The following NSD2 variants were observed in gnomAD, a reference collection of about 807,000 sequenced individuals.
The protein encoded by NSD2 is histone-lysine N-methyltransferase NSD2.
NSD2 carries 12 observed loss-of-function variants against 139.0 expected under a neutral mutation model. The observed-to-expected ratio is 0.09, with a 90% CI of 0.06 to 0.14. The LOEUF is 0.14. NSD2 is among the 10% of genes least tolerant of loss of function. NSD2 has a pLI of 1.00. For synonymous variants in NSD2, 669 were observed against 648.7 expected, an observed-to-expected ratio of 1.03 and a Z score of -0.48; for missense variants, 1,155 against 1,745.0, an observed-to-expected ratio of 0.66 and a Z score of 6.02.
chr4:1,891,181 A>G lies in NSD2; in HGVS notation c.-29-9445A>G, dbSNP rs192545197. On this transcript the variant is annotated intron_variant, in intron 1 of 21. Coordinates refer to ENST00000508803, the MANE Select transcript of NSD2 (RefSeq NM_001042424.3). ...AGTACTGAGATTACAGGTGTGAGCC[A>G]CTGTGCCCCGCCTACGTGGAATTGT... Among the ~76,000 whole-genome samples, 266 of 152,298 alleles carry G rather than the reference A, an allele frequency of 1.7e-3. 1 individual carries two copies. The highest frequency in any genetic ancestry group is 6.1e-3 in the African/African-American group (255 of 41,568).
intron 9 of NSD2, among the ~76,000 whole-genome samples, chr4:1,950,174 T>C (rs941158311): frequency 6.6e-6 from 1 of 152,232 alleles, no homozygotes; most frequent in Non-Finnish European, 1.5e-5. Context: ...TTTTATTCAT[T>C]TAAATATTTG....
At chr4:1,975,866 T>C (rs1727020806) in intron 20 of NSD2, among the ~76,000 whole-genome samples, 1 of 152,174 alleles carries the variant, frequency 6.6e-6, no homozygotes, top group Admixed American at 6.5e-5. Context: ...TGTGACCCCA[T>C]CTTAACAGAT....
chr4:1,939,839 G>A (rs1035589690), intron 9 of NSD2, 61 bp downstream of exon 9: 133 of 1,611,512 alleles, frequency 8.3e-5, no homozygotes, highest in Middle Eastern at 3.3e-4. Context: ...AGCTGCCCAC[G>A]CTGCAGTGTG....
intron 9 of NSD2, chr4:1,946,605 T>C (rs562251797): frequency 9.7e-7 from 1 of 1,027,688 alleles, no homozygotes; most frequent in African/African-American, 1.7e-5. Context: ...TTCTGATTCA[T>C]ATTTTAGGAC....
rs1330243688 is a variant in NSD2, at chr4:1,935,182, A to T, written c.1594A>T (p.Ile532Leu). ...GAAAAAAAGAAACCACACAAAGAGG[A>T]TACAGGACCCTACAGAAGATGCTGA... ...NGKKRNHTKR[I>L]QDPTEDAEAE... is the part of the protein sequence containing the mutation. The change falls in exon 7 of 22, where the codon ATA becomes TTA. Residue 532 changes from isoleucine to leucine, a missense_variant. By Grantham distance (5) the Ile-to-Leu change is conservative (BLOSUM62 2). Around this residue, in one of 8 missense-constraint regions of NSD2, gnomAD observed 420 missense variants for 469.0 expected, o/e 0.90. Transcript: ENST00000508803. 1 of 1,613,640 alleles carries T rather than the reference A, an allele frequency of 6.2e-7. No individual in the cohort carries two copies. Among genetic ancestry groups the T allele is most frequent in the Non-Finnish European group, 8.5e-7 (1 of 1,179,778 alleles).
chr4:1,949,766 GA>G (rs74623987), intron 9 of NSD2, among the ~76,000 whole-genome samples: 1,734 of 105,756 alleles, frequency 0.016, 20 homozygotes, highest in African/African-American at 0.045. Flanking sequence ...TCTGTCTCGA[GA>G]AAAAAAAAAA....
At chr4:1,940,501 G>A in intron 9 of NSD2, 1 of 1,064,720 alleles carries the variant, frequency 9.4e-7, no homozygotes, top group Non-Finnish European at 1.1e-6. Context: ...GAACGTAGGT[G>A]TGACACTTTT....
chr4:1,871,754 G>GGGACCGCGA (rs1224948868), intron 1 of NSD2, among the ~76,000 whole-genome samples: 1 of 149,444 alleles, frequency 6.7e-6, no homozygotes, highest in African/African-American at 2.4e-5. Context: ...GAGGGTCGTG[G>GGGACCGCGA]GGACCGCGAG....
At chr4:1,911,853 G>T (rs567162945) in intron 3 of NSD2, among the ~76,000 whole-genome samples, 1 of 152,250 alleles carries the variant, frequency 6.6e-6, no homozygotes, top group South Asian at 2.1e-4. Flanking sequence ...ACAAACTTGG[G>T]ATCAGATTAC....
chr4:1,951,143 A>G lies in NSD2; in HGVS notation c.1953A>G (p.Val651=), dbSNP rs1355524162. 1.2e-6 allele frequency: 2 copies of G among 1,614,256 alleles called. No individual in the cohort carries two copies. Among genetic ancestry groups the G allele is most frequent in the Non-Finnish European group, 1.7e-6 (2 of 1,180,040 alleles). Residue 651 remains valine, a synonymous_variant, in exon 10 of 22, where the codon GTA becomes GTG. Coordinates refer to ENST00000508803, the MANE Select transcript of NSD2 (RefSeq NM_001042424.3). The part of the protein sequence containing the change: ...YESADETQTE[V]SVSSKKSERG... The stretch of plus-strand genomic sequence containing the variant: ...GTGCAGACGAAACACAAACTGAAGT[A>G]TCTGTCTCATCCAAAAAGTCTGAGC...
At chr4:1,977,571 T>C (rs1424719587) in intron 21 of NSD2, among the ~76,000 whole-genome samples, 1 of 150,610 alleles carries the variant, frequency 6.6e-6, no homozygotes, top group Non-Finnish European at 1.5e-5. Flanking sequence ...AGGTCAGGAG[T>C]TCGAGACCAG....
In NSD2 at chr4:1,961,020, G is replaced by A. The variant is rs769335181; in HGVS notation, c.3256-15G>A. ...AGCACGCTTTTTGTCATGGCCACAT[G>A]CTTGTGATTTCCAGGGAGAATTTGT... On this transcript the variant is annotated splice_polypyrimidine_tract_variant and intron_variant, in intron 17 of 21. Coordinates refer to ENST00000508803, the MANE Select transcript of NSD2 (RefSeq NM_001042424.3). 8 of 1,607,560 alleles carry A rather than the reference G, an allele frequency of 5.0e-6. No homozygotes were observed. Among genetic ancestry groups the A allele is most frequent in the Non-Finnish European group, 6.0e-6 (7 of 1,174,552 alleles).
Position 1,946,433 on chromosome 4 carries a change from A to G in NSD2, c.1882-4639A>G, listed in dbSNP as rs142297375. ...CAAGCGGCTGCCACCACACCTGGCT[A>G]TTTTTTTTTGTATTTTTAGTAGAGA... On this transcript the variant is annotated intron_variant, in intron 9 of 21. Transcript: ENST00000508803. 1.7e-3 allele frequency: 837 copies of G among 495,428 alleles called. 2 individuals carry two copies. Among genetic ancestry groups the G allele is most frequent in the South Asian group, 2.1e-3 (23 of 11,126 alleles). 30.7% of individuals were successfully genotyped at this position (495,428 alleles called of 1,614,324 possible).
chr4:1,963,061 C>G (rs1194659682), intron 18 of NSD2, among the ~76,000 whole-genome samples: 4 of 152,016 alleles, frequency 2.6e-5, no homozygotes. Flanking sequence ...AACAGAAAAC[C>G]AAGAATACAC....
rs1272939298 is a variant in NSD2, at chr4:1,958,242, G to A, written c.2985+206G>A. 6.6e-6 allele frequency among the ~76,000 whole-genome samples: 1 copy of A among 152,232 alleles called. No homozygotes were observed. The highest frequency in any genetic ancestry group is 2.1e-4 in the South Asian group (1 of 4,834). ...GGGGTTCTTGGATCCGCCTTGGAGT[G>A]TGAGGCTTGGCTTGGTAGCTTAGAG... On this transcript the variant is annotated intron_variant, in intron 16 of 21. Transcript: ENST00000508803. The surrounding 1 kb of genome is among the most constrained non-coding windows in gnomAD (Gnocchi z 4.6).
intron 9 of NSD2, chr4:1,945,365 CT>C: frequency 9.4e-7 from 1 of 1,064,960 alleles, no homozygotes; most frequent in Non-Finnish European, 1.1e-6. Context: ...CTGTGCTGCC[CT>C]GGCCCTGGCC....
In NSD2 at chr4:1,947,715, C is replaced by G. The variant is rs568985522; in HGVS notation, c.1882-3357C>G. On this transcript the variant is annotated intron_variant, in intron 9 of 21. Transcript: ENST00000508803. ...ACACTGTGGAGGTACTTCTCGCCAT[C>G]AGCTTCCTTCTTTACAAAACCATCA... 36 of 1,053,320 alleles carry G rather than the reference C, an allele frequency of 3.4e-5. 1 individual carries two copies. The African/African-American group carries it at 5.8e-4, about 17-fold the overall frequency. 65.2% of individuals were successfully genotyped at this position (1,053,320 alleles called of 1,614,324 possible).
At chr4:1,915,630 G>A (rs1022610907) in intron 3 of NSD2, among the ~76,000 whole-genome samples, 2 of 152,124 alleles carry the variant, frequency 1.3e-5, no homozygotes, top group Non-Finnish European at 1.5e-5. Context: ...CTGGGCTCGT[G>A]TTTAAGAGCA....
At chr4:1,933,844 C>T (rs779760306) in intron 6 of NSD2, among the ~76,000 whole-genome samples, 8 of 152,190 alleles carry the variant, frequency 5.3e-5, no homozygotes, top group East Asian at 1.9e-4. Flanking sequence ...TACACCTTAC[C>T]GTCTTAGGTT....
Sources: allele counts gnomAD v4.1 joint callset (sites outside exome capture counted in the v4.1 genomes callset), GRCh38; gene constraint gnomAD v4.1.1; regional missense constraint gnomAD v4.1.1; non-coding constraint Gnocchi (gnomAD v3.1); transcripts MANE v1.5; gene names NCBI Gene and HGNC (gene_info 2026-07-23, HGNC 2026-07-21).